Variants in PRMT8 observed in about 807,000 individuals in gnomAD.
PRMT8 encodes the protein protein arginine methyltransferase 8.
PRMT8 carries 7 observed loss-of-function variants against 47.1 expected under a neutral mutation model. The observed-to-expected ratio is 0.15, with a 90% CI of 0.08 to 0.28. PRMT8 has a LOEUF of 0.28. PRMT8 is among the 10% of genes least tolerant of loss of function. PRMT8 has a pLI of 1.00. For synonymous variants in PRMT8, 188 were observed against 186.5 expected, an observed-to-expected ratio of 1.01 and a Z score of -0.07; for missense variants, 237 against 505.4, an observed-to-expected ratio of 0.47 and a Z score of 5.09.
rs1867356573 is a variant in PRMT8, at chr12:3,593,448, C to T, written c.*266C>T. 8 of 463,592 alleles carry T rather than the reference C, an allele frequency of 1.7e-5. No individual in the cohort carries two copies. The highest frequency in any genetic ancestry group is 7.5e-5 in the South Asian group (3 of 40,010). The allele number at this position is 463,592 out of a possible 1,614,324, so 28.7% of individuals were successfully genotyped here. On this transcript the variant is annotated 3_prime_UTR_variant, in exon 10 of 10. Transcript: ENST00000382622. The surrounding 1 kb of genome is among the most constrained non-coding windows in gnomAD (Gnocchi z 4.8). ...GACCTGGCGTGCTGTGGCTGGGCCC[C>T]GAGGGTGGAAACGTATTCGCGTCTC...
intron 8 of PRMT8, among the ~76,000 whole-genome samples, chr12:3,587,955 G>T (rs1352793908): frequency 6.6e-6 from 1 of 150,970 alleles, no homozygotes. Flanking sequence ...CAGTGGGCAC[G>T]GTGCCCCCCC....
chr12:3,493,650 C>T lies in PRMT8; in HGVS notation c.75+1950C>T, dbSNP rs983368291. ...GAGGGTTAAAGGCGTCCGGAGCAGG[C>T]AGAGCGCCGCGCGCCAGTCTATTTT... On this transcript the variant is annotated intron_variant, in intron 1 of 9. Coordinates refer to ENST00000382622, the MANE Select transcript of PRMT8 (RefSeq NM_019854.5). This position sits in a 1 kb window ranked among gnomAD's most constrained non-coding sequence, Gnocchi z 8.2. Among the ~76,000 whole-genome samples the T allele has an allele frequency of 6.6e-6, 1 of 152,236 alleles. No individual in the cohort carries two copies. Among genetic ancestry groups the T allele is most frequent in the East Asian group, 1.9e-4 (1 of 5,188 alleles).
At chr12:3,542,232 T>C (rs17779848) in intron 2 of PRMT8, among the ~76,000 whole-genome samples, 40,315 of 152,104 alleles carry the variant, frequency 0.27, 5,627 homozygotes, top group East Asian at 0.45. Flanking sequence ...GTTCACCATG[T>C]AAAACCATTA....
In PRMT8 at chr12:3,580,997, C is replaced by T. The variant is rs1029773809; in HGVS notation, c.829-2061C>T. On this transcript the variant is annotated intron_variant, in intron 7 of 9. Coordinates refer to ENST00000382622, the MANE Select transcript of PRMT8 (RefSeq NM_019854.5). This position sits in a 1 kb window ranked among gnomAD's most constrained non-coding sequence, Gnocchi z 4.6. ...TTTCCTAGATTTGAGCAATGGCCCACGCTAACAGATGACATGTAATGAAGG... is the reference window on the plus strand; with the variant it reads ...TTTCCTAGATTTGAGCAATGGCCCATGCTAACAGATGACATGTAATGAAGG... Among the ~76,000 whole-genome samples the T allele has an allele frequency of 4.6e-5, 7 of 152,158 alleles. No homozygotes were observed. Among genetic ancestry groups the T allele is most frequent in the Non-Finnish European group, 5.9e-5 (4 of 68,036 alleles).
intron 1 of PRMT8, among the ~76,000 whole-genome samples, chr12:3,494,100 G>C (rs1308198873): frequency 2.0e-5 from 3 of 152,176 alleles, no homozygotes; most frequent in African/African-American, 7.2e-5. Flanking sequence ...AGAGCGGCAG[G>C]AGCACGCCTC....
rs2137209897 is a variant in PRMT8 at position 3,570,928 on chromosome 12, TAA to T, written c.712+1366_712+1367del. ...CAGTGAGAGGCAGGGGGGCCCAGGT[TAA>T]ATGCTTTGCACACTGCCAGCCCTGG... On this transcript the variant is annotated intron_variant, in intron 6 of 9. Transcript: ENST00000382622. The surrounding 1 kb of genome is among the most constrained non-coding windows in gnomAD (Gnocchi z 5.5). 6.6e-6 allele frequency among the ~76,000 whole-genome samples: 1 copy of T among 152,332 alleles called. No individual in the cohort carries two copies. Among genetic ancestry groups the T allele is most frequent in the South Asian group, 2.1e-4 (1 of 4,832 alleles).
intron 1 of PRMT8, among the ~76,000 whole-genome samples, chr12:3,510,823 G>A (rs1041187706): frequency 1.1e-4 from 16 of 152,192 alleles, no homozygotes; most frequent in African/African-American, 3.9e-4. Flanking sequence ...TGCACTCCAC[G>A]TAATCCAGTC....
intron 1 of PRMT8, 139 bp downstream of exon 1, chr12:3,491,839 T>C (rs1185957211): frequency 1.0e-3 from 48 of 47,150 alleles, no homozygotes; most frequent in Non-Finnish European, 1.4e-3. Flanking sequence ...CTCCTGTGTG[T>C]GTGTGTGTGT....
At chr12:3,591,379 G>A (rs1454744628) in intron 8 of PRMT8, among the ~76,000 whole-genome samples, 7 of 150,714 alleles carry the variant, frequency 4.6e-5, no homozygotes, top group South Asian at 2.1e-4. Context: ...TTAGTTCCCC[G>A]TGCACAGAGA....
chr12:3,569,406 G>A lies in PRMT8; in HGVS notation c.625-71G>A, dbSNP rs908637954. The A allele has an allele frequency of 3.2e-6, 4 of 1,263,384 alleles. No individual in the cohort carries two copies. The highest frequency in any genetic ancestry group is 1.7e-5 in the Admixed American group (1 of 59,408). 78.3% of individuals were successfully genotyped at this position (1,263,384 alleles called of 1,614,324 possible). On this transcript the variant is annotated intron_variant, in intron 5 of 9. Coordinates refer to ENST00000382622, the MANE Select transcript of PRMT8 (RefSeq NM_019854.5). This position sits in a 1 kb window ranked among gnomAD's most constrained non-coding sequence, Gnocchi z 8.2. ...GGGTGCTTGTCTGGTGACTCTATGT[G>A]CAGTTCAAAATGTGATGTCTTTGTC...
intron 1 of PRMT8, 95 bp downstream of exon 1, chr12:3,491,795 C>T (rs1197930958): frequency 4.8e-6 from 7 of 1,444,056 alleles, no homozygotes; most frequent in Non-Finnish European, 6.5e-6. Flanking sequence ...GCCAAACTTT[C>T]CCCAGTTTCA....
chr12:3,581,985 T>C (rs530904235), intron 7 of PRMT8, among the ~76,000 whole-genome samples: 2 of 152,346 alleles, frequency 1.3e-5, no homozygotes, highest in South Asian at 4.1e-4. Context: ...TCTCTCCTAA[T>C]TCCTACTAAT....
chr12:3,507,144 C>T (rs1385230425), intron 1 of PRMT8, among the ~76,000 whole-genome samples: 13 of 121,250 alleles, frequency 1.1e-4, no homozygotes, highest in South Asian at 2.7e-4. Flanking sequence ...TTTTTTGAGA[C>T]GGAGTCTCGC....
At chr12:3,509,198 C>A (rs374987151) in intron 1 of PRMT8, among the ~76,000 whole-genome samples, 1 of 152,154 alleles carries the variant, frequency 6.6e-6, no homozygotes, top group Admixed American at 6.5e-5. Flanking sequence ...ACTCCTCACC[C>A]GGGCTCAGGA....
intron 4 of PRMT8, among the ~76,000 whole-genome samples, chr12:3,563,661 A>G (rs1173878017): frequency 1.3e-5 from 2 of 152,232 alleles, no homozygotes; most frequent in African/African-American, 2.4e-5. Flanking sequence ...GAGGTCAGAT[A>G]TACACCCATT....
At chr12:3,397,901 T>C (rs1864273891) in intron 1 of PRMT8, among the ~76,000 whole-genome samples, 1 of 152,128 alleles carries the variant, frequency 6.6e-6, no homozygotes, top group African/African-American at 2.4e-5. Context: ...AGGTGTGGGA[T>C]GTAATCTCCT....
chr12:3,408,182 TCCTTCCTC>T (rs1341167486), intron 1 of PRMT8, among the ~76,000 whole-genome samples: 7 of 151,198 alleles, frequency 4.6e-5, no homozygotes, highest in Admixed American at 4.0e-4. Flanking sequence ...TTTCCTTCCT[TCCTTCCTC>T]CCTTCCTCCC....
At chr12:3,592,922 A>G (rs1867341969) in intron 9 of PRMT8, among the ~76,000 whole-genome samples, 177 bp from the exon 10 acceptor site, 1 of 152,216 alleles carries the variant, frequency 6.6e-6, no homozygotes, top group South Asian at 2.1e-4. Context: ...CTGTGAGGAC[A>G]AGGAGGCAGC....
At chr12:3,465,051 G>T (rs1261130615) in intron 1 of PRMT8, among the ~76,000 whole-genome samples, 1 of 150,314 alleles carries the variant, frequency 6.7e-6, no homozygotes, top group Non-Finnish European at 1.5e-5. Flanking sequence ...GGAGGCGGAG[G>T]TTGCAGTGAG....
Sources: gnomAD v4.1 joint callset for allele counts (sites outside exome capture counted in the v4.1 genomes callset) on GRCh38, gnomAD v4.1.1 for gene constraint, Gnocchi (gnomAD v3.1) non-coding constraint, MANE v1.5 for transcripts, NCBI Gene and HGNC (gene_info 2026-07-23, HGNC 2026-07-21) for gene names.